PTPRD: variants seen among roughly 807,000 people sequenced by gnomAD.
PTPRD encodes the protein receptor-type tyrosine-protein phosphatase delta.
In PTPRD, 34 loss-of-function variants were observed where a neutral mutation model predicts 214.5. The ratio of observed to expected loss-of-function variants is 0.16; its 90% CI spans 0.12 to 0.21. PTPRD has a LOEUF of 0.21. Among genes scored for constraint, PTPRD ranks in the 10% least tolerant of loss-of-function variants. PTPRD has a pLI of 1.00. For synonymous variants in PTPRD, 1,128 were observed against 845.7 expected (o/e 1.33, Z -5.79); for missense variants, 2,545 against 2,398.7 (o/e 1.06, Z -1.27).
chr9:9,474,291 G>T (rs1489535393), intron 8 of PTPRD, among the ~76,000 whole-genome samples: 1 of 151,944 alleles, frequency 6.6e-6, no homozygotes, highest in African/African-American at 2.4e-5. Context: ...TCTGATTTCT[G>T]TATTCTTTTC....
At chr9:10,497,353 T>C (rs537711328) in intron 2 of PTPRD, among the ~76,000 whole-genome samples, 3 of 152,104 alleles carry the variant, frequency 2.0e-5, no homozygotes, top group East Asian at 3.9e-4. Flanking sequence ...ACGTGACATA[T>C]ACATGTATAC....
chr9:8,825,306 C>G (rs1397400516), intron 11 of PTPRD, among the ~76,000 whole-genome samples: 1 of 152,126 alleles, frequency 6.6e-6, no homozygotes, highest in Non-Finnish European at 1.5e-5. Context: ...GAAAGTACAC[C>G]ATTTTAGTTA....
intron 4 of PTPRD, among the ~76,000 whole-genome samples, chr9:9,950,106 G>A (rs1277202069): frequency 6.6e-6 from 1 of 152,036 alleles, no homozygotes; most frequent in East Asian, 1.9e-4. Flanking sequence ...GGTTTCCCTG[G>A]CCTTGTTTTT....
intron 37 of PTPRD, among the ~76,000 whole-genome samples, chr9:8,376,942 C>T (rs1402525946): frequency 1.3e-5 from 2 of 152,092 alleles, no homozygotes; most frequent in Admixed American, 1.3e-4. Flanking sequence ...TAAACAGTAA[C>T]AGATTCAATT....
At chr9:9,467,405 T>C (rs1193354249) in intron 8 of PTPRD, among the ~76,000 whole-genome samples, 4 of 150,984 alleles carry the variant, frequency 2.6e-5, no homozygotes, top group African/African-American at 4.9e-5. Flanking sequence ...CTGGTCAACA[T>C]AGTGAAATCT....
chr9:9,285,014 A>G (rs1451188566), intron 9 of PTPRD, among the ~76,000 whole-genome samples: 1 of 151,722 alleles, frequency 6.6e-6, no homozygotes, highest in African/African-American at 2.4e-5. Context: ...CCTTGGGGAG[A>G]TGACAGAATA....
chr9:10,118,521 T>C lies in PTPRD; in HGVS notation c.-544-84731A>G, dbSNP rs1240094512. 5.3e-5 allele frequency among the ~76,000 whole-genome samples: 8 copies of C among 151,812 alleles called. No homozygotes were observed. In the South Asian group the frequency reaches 1.7e-3, roughly 31 times the overall value. ...ATTCAACATATACTACTCAATATTA[T>C]AGGCTATCGTTATTATCAGAAGTGA... is the stretch of plus-strand genomic sequence containing the variant. On this transcript the variant is annotated intron_variant, in intron 3 of 45. Transcript: ENST00000381196.
chr9:9,336,519 C>T, intron 9 of PTPRD, among the ~76,000 whole-genome samples: 1 of 152,084 alleles, frequency 6.6e-6, no homozygotes, highest in East Asian at 1.9e-4. Flanking sequence ...CCATGCCCTT[C>T]CCATATCCCT....
intron 9 of PTPRD, among the ~76,000 whole-genome samples, chr9:9,340,247 C>G (rs1361373832): frequency 6.6e-6 from 1 of 152,080 alleles, no homozygotes; most frequent in East Asian, 1.9e-4. Flanking sequence ...GACAGAAAAA[C>G]AGATGTTGCA....
intron 9 of PTPRD, among the ~76,000 whole-genome samples, chr9:9,297,844 C>T (rs1953683333): frequency 1.3e-5 from 2 of 151,566 alleles, no homozygotes; most frequent in Admixed American, 1.3e-4. Flanking sequence ...GGGACTTACA[C>T]AGAGATAACT....
At chr9:10,294,353 A>G (rs2095614412) in intron 3 of PTPRD, among the ~76,000 whole-genome samples, 1 of 151,932 alleles carries the variant, frequency 6.6e-6, no homozygotes, top group South Asian at 2.1e-4. Flanking sequence ...GAAAAGGCAA[A>G]AAGATGGGGA....
At chr9:9,578,864 C>T (rs1442304974) in intron 7 of PTPRD, among the ~76,000 whole-genome samples, 3 of 151,906 alleles carry the variant, frequency 2.0e-5, no homozygotes, top group African/African-American at 7.3e-5. Context: ...AGTCACATAC[C>T]AGGATAGGAT....
At chr9:8,835,893 T>A (rs2097409228) in intron 11 of PTPRD, among the ~76,000 whole-genome samples, 1 of 152,084 alleles carries the variant, frequency 6.6e-6, no homozygotes, top group Admixed American at 6.6e-5. Flanking sequence ...TTATTATATA[T>A]CTCTTTAACA....
At chr9:8,456,319 A>G (rs998062206) in intron 33 of PTPRD, among the ~76,000 whole-genome samples, 1 of 152,116 alleles carries the variant, frequency 6.6e-6, no homozygotes, top group Non-Finnish European at 1.5e-5. Context: ...AAGCAGCCCG[A>G]ACTGCTAGAG....
At chr9:10,579,965 GTGT>G (rs1358063444) in intron 2 of PTPRD, among the ~76,000 whole-genome samples, 2 of 151,836 alleles carry the variant, frequency 1.3e-5, no homozygotes, top group African/African-American at 4.8e-5. Context: ...TGTTTTTTGC[GTGT>G]TGAATTGTTC....
chr9:8,767,782 A>T (rs2094876907), intron 11 of PTPRD, among the ~76,000 whole-genome samples: 1 of 152,204 alleles, frequency 6.6e-6, no homozygotes, highest in South Asian at 2.1e-4. Flanking sequence ...GCATCTGTGT[A>T]TTTTTGAAAC....
At chr9:10,336,825 T>C (rs2096852666) in intron 3 of PTPRD, among the ~76,000 whole-genome samples, 1 of 151,680 alleles carries the variant, frequency 6.6e-6, no homozygotes, top group African/African-American at 2.4e-5. Flanking sequence ...AAAATACTAC[T>C]AGAACTAGAC....
chr9:9,551,845 G>A (rs536511198), intron 8 of PTPRD, among the ~76,000 whole-genome samples: 1 of 151,890 alleles, frequency 6.6e-6, no homozygotes, highest in Non-Finnish European at 1.5e-5. Context: ...GATACTGTAA[G>A]TTGCTCCCCA....
intron 11 of PTPRD, among the ~76,000 whole-genome samples, chr9:8,919,875 G>GTATCATGCATACATAGATGTACATGCATA (rs2098814128): frequency 6.6e-6 from 1 of 151,408 alleles, no homozygotes; most frequent in African/African-American, 2.4e-5. Flanking sequence ...GTACATGCAT[G>GTATCATGCATACATAGATGTACATGCATA]TATCATGCAT....
Sources: allele counts gnomAD v4.1 joint callset (sites outside exome capture counted in the v4.1 genomes callset), GRCh38; gene constraint gnomAD v4.1.1; transcripts MANE v1.5; gene names NCBI Gene and HGNC (gene_info 2026-07-23, HGNC 2026-07-21).